Variants in DTNA observed in about 807,000 individuals in gnomAD.
DTNA encodes dystrobrevin alpha.
DTNA carries 43 observed loss-of-function variants against 100.7 expected under a neutral mutation model. The observed-to-expected ratio is 0.43, with a 90% CI of 0.33 to 0.55. The LOEUF is 0.55. DTNA is among the 20% of genes least tolerant of loss of function. The pLI is 0.04. For missense variants in DTNA, 798 were observed against 953.9 expected (o/e 0.84, Z 2.15); for synonymous variants, 349 against 347.9 (o/e 1.00, Z -0.04).
At chr18:34,862,575 G>A (rs2150129613) in intron 16 of DTNA, among the ~76,000 whole-genome samples, 2 of 152,184 alleles carry the variant, frequency 1.3e-5, no homozygotes, top group South Asian at 4.2e-4. Flanking sequence ...GAGGCAGGAG[G>A]AGCTCTTGTA....
At chr18:34,544,757 A>G (rs2044596168) in intron 1 of DTNA, among the ~76,000 whole-genome samples, 1 of 151,354 alleles carries the variant, frequency 6.6e-6, no homozygotes, top group African/African-American at 2.4e-5. Flanking sequence ...GGCTATGGTA[A>G]TTACTCAAGG....
At chr18:34,532,137 C>G (rs1329053888) in intron 1 of DTNA, among the ~76,000 whole-genome samples, 6 of 152,028 alleles carry the variant, frequency 3.9e-5, no homozygotes, top group Non-Finnish European at 5.9e-5. Flanking sequence ...TCTTAGTGCA[C>G]AAGGCAATGG....
At position 34,891,245 on chromosome 18, in the gene DTNA, G is replaced by A. The variant is rs1347013261; in HGVS notation, c.*3511G>A. 1 of 151,044 alleles carries A rather than the reference G, an allele frequency of 6.6e-6. No homozygotes were observed. Among genetic ancestry groups the A allele is most frequent in the Admixed American group, 6.6e-5 (1 of 15,166 alleles). 9.4% of individuals were successfully genotyped at this position (151,044 alleles called of 1,614,324 possible). ...AAAAAATACTATTGTATGGATTTTT[G>A]TATTGCTGTTAAGTATTGTTTTGTG... On this transcript the variant is annotated 3_prime_UTR_variant, in exon 23 of 23. Coordinates refer to ENST00000444659, the MANE Select transcript of DTNA (RefSeq NM_001386795.1).
intron 1 of DTNA, among the ~76,000 whole-genome samples, chr18:34,519,432 A>T (rs1050301744): frequency 9.9e-5 from 15 of 152,086 alleles, no homozygotes; most frequent in African/African-American, 3.1e-4. Flanking sequence ...AGTGATTCTG[A>T]TTACAAACTT....
chr18:34,530,819 A>G (rs564147453), intron 1 of DTNA, among the ~76,000 whole-genome samples: 7 of 152,242 alleles, frequency 4.6e-5, no homozygotes, highest in African/African-American at 1.7e-4. Context: ...CCATTCTGCT[A>G]ATTTCCAGAA....
intron 3 of DTNA, among the ~76,000 whole-genome samples, chr18:34,793,703 C>T (rs1205269953): frequency 1.3e-5 from 2 of 152,158 alleles, no homozygotes; most frequent in East Asian, 3.9e-4. Flanking sequence ...TTGCCATTGA[C>T]TCCTCTTCTA....
intron 9 of DTNA, among the ~76,000 whole-genome samples, chr18:34,826,034 A>C (rs2095851389): frequency 6.6e-6 from 1 of 152,150 alleles, no homozygotes; most frequent in Non-Finnish European, 1.5e-5. Flanking sequence ...TTGCTCCCTT[A>C]TATATCAAAG....
At chr18:34,727,850 CCA>C (rs1168099283) in intron 1 of DTNA, among the ~76,000 whole-genome samples, 2 of 152,110 alleles carry the variant, frequency 1.3e-5, no homozygotes, top group Non-Finnish European at 2.9e-5. Flanking sequence ...CAGGTGTGAG[CCA>C]CTGCACTCAG....
intron 1 of DTNA, among the ~76,000 whole-genome samples, chr18:34,494,528 G>T (rs1222383060): frequency 6.6e-6 from 1 of 152,170 alleles, no homozygotes; most frequent in Non-Finnish European, 1.5e-5. Context: ...CAAAGCCAAA[G>T]AGAGAAGAGG....
intron 1 of DTNA, among the ~76,000 whole-genome samples, chr18:34,519,251 G>A (rs2041947174): frequency 6.6e-6 from 1 of 152,112 alleles, no homozygotes; most frequent in African/African-American, 2.4e-5. Flanking sequence ...TTTCATGGCA[G>A]ACAATTTTTG....
chr18:34,607,372 G>A (rs1268434610), intron 1 of DTNA, among the ~76,000 whole-genome samples: 1 of 152,152 alleles, frequency 6.6e-6, no homozygotes, highest in Non-Finnish European at 1.5e-5. Context: ...AGAGAATATT[G>A]CAATAGTCTG....
At chr18:34,604,062 C>G (rs762519037) in intron 1 of DTNA, among the ~76,000 whole-genome samples, 2 of 152,132 alleles carry the variant, frequency 1.3e-5, no homozygotes, top group Non-Finnish European at 2.9e-5. Context: ...GGTGTTATGA[C>G]CATTTAAAAT....
At chr18:34,751,954 A>G (rs553328511) in intron 1 of DTNA, among the ~76,000 whole-genome samples, 2 of 152,370 alleles carry the variant, frequency 1.3e-5, no homozygotes, top group East Asian at 3.9e-4. Flanking sequence ...ATGGGTTCTT[A>G]TAAGCGAAAA....
At chr18:34,745,569 G>A (rs2091435994) in intron 1 of DTNA, among the ~76,000 whole-genome samples, 1 of 152,164 alleles carries the variant, frequency 6.6e-6, no homozygotes, top group African/African-American at 2.4e-5. Flanking sequence ...ATTGGGTTGT[G>A]TATCCAGGTA....
chr18:34,754,127 C>T (rs1285450489), intron 1 of DTNA, among the ~76,000 whole-genome samples: 8 of 152,184 alleles, frequency 5.3e-5, no homozygotes, highest in African/African-American at 1.7e-4. Context: ...AGCTACTCTA[C>T]GTCCTTCCCT....
At chr18:34,801,642 C>T (rs2095217293) in intron 4 of DTNA, among the ~76,000 whole-genome samples, 1 of 151,736 alleles carries the variant, frequency 6.6e-6, no homozygotes, top group Non-Finnish European at 1.5e-5. Context: ...TCCGAAGTAG[C>T]TGGGACTACA....
chr18:34,618,870 C>G (rs1341654646), intron 1 of DTNA, among the ~76,000 whole-genome samples: 2 of 152,150 alleles, frequency 1.3e-5, no homozygotes, highest in Non-Finnish European at 2.9e-5. Flanking sequence ...TGGATGCAAT[C>G]TCTGCCCCAG....
chr18:34,845,700 T>G (rs1234327462), intron 13 of DTNA, among the ~76,000 whole-genome samples: 1 of 152,220 alleles, frequency 6.6e-6, no homozygotes, highest in South Asian at 2.1e-4. Context: ...ACTTTCTCTT[T>G]TTCATTGAAG....
chr18:34,541,224 A>C (rs770696991), intron 1 of DTNA, among the ~76,000 whole-genome samples: 9 of 151,758 alleles, frequency 5.9e-5, no homozygotes, highest in Non-Finnish European at 1.0e-4. Context: ...CAAGTTGGGT[A>C]ATGATACAAA....
Sources: gnomAD v4.1 joint callset for allele counts (sites outside exome capture counted in the v4.1 genomes callset) on GRCh38, gnomAD v4.1.1 for gene constraint, MANE v1.5 for transcripts, NCBI Gene and HGNC (gene_info 2026-07-23, HGNC 2026-07-21) for gene names.